Variants in SUSD6 observed in about 807,000 individuals in gnomAD.
The protein encoded by SUSD6 is sushi domain-containing protein 6.
SUSD6 carries 16 observed loss-of-function variants against 28.4 expected under a neutral mutation model. The observed-to-expected ratio is 0.56, with a 90% CI of 0.38 to 0.86. SUSD6 has a LOEUF of 0.86. Ranked by LOEUF, SUSD6 falls within the 40% of genes least tolerant of loss-of-function variation. The probability of loss-of-function intolerance (pLI) is 0.00; values close to 1 mark genes in which losing one functional copy is unlikely to be tolerated. For synonymous variants in SUSD6, 147 were observed against 159.6 expected, an observed-to-expected ratio of 0.92 and a Z score of 0.59; for missense variants, 341 against 384.2, an observed-to-expected ratio of 0.89 and a Z score of 0.94.
At chr14:69,672,151 C>T (rs917574751) in intron 2 of SUSD6, among the ~76,000 whole-genome samples, 14 of 152,156 alleles carry the variant, frequency 9.2e-5, no homozygotes, top group Admixed American at 7.2e-4. Flanking sequence ...TAATAGCCCC[C>T]CTTTGTATGC....
chr14:69,708,361 T>C (rs974901545), intron 4 of SUSD6, among the ~76,000 whole-genome samples: 1 of 152,194 alleles, frequency 6.6e-6, no homozygotes, highest in African/African-American at 2.4e-5. Flanking sequence ...GCCAGGTGCC[T>C]GTGTACCCAG....
At chr14:69,698,451 C>T (rs1441515033) in intron 2 of SUSD6, among the ~76,000 whole-genome samples, 2 of 152,220 alleles carry the variant, frequency 1.3e-5, no homozygotes, top group Non-Finnish European at 2.9e-5. Context: ...GCTTTCCACA[C>T]CTTGTTTTGA....
At chr14:69,620,824 T>G (rs1885026197) in intron 1 of SUSD6, among the ~76,000 whole-genome samples, 3 of 152,178 alleles carry the variant, frequency 2.0e-5, no homozygotes, top group Admixed American at 2.0e-4. Flanking sequence ...CATATCCTAT[T>G]TTTAATTAAA....
At chr14:69,650,727 T>C (rs1460145345) in intron 1 of SUSD6, among the ~76,000 whole-genome samples, 2 of 152,192 alleles carry the variant, frequency 1.3e-5, no homozygotes, top group Non-Finnish European at 2.9e-5. Flanking sequence ...GGCCCCTGTA[T>C]CTCTGCAGTG....
At chr14:69,617,073 A>G (rs890403168) in intron 1 of SUSD6, 1 of 152,222 alleles carries the variant, frequency 6.6e-6, no homozygotes, top group African/African-American at 2.4e-5. Context: ...TTCACTTAGC[A>G]TAATGTTTTT....
chr14:69,631,018 C>T (rs1885185517), intron 1 of SUSD6, among the ~76,000 whole-genome samples: 1 of 152,226 alleles, frequency 6.6e-6, no homozygotes, highest in African/African-American at 2.4e-5. Context: ...TATCTGTTTC[C>T]TTAGCAATTC....
chr14:69,645,648 C>T (rs544616425), intron 1 of SUSD6, among the ~76,000 whole-genome samples: 1 of 152,282 alleles, frequency 6.6e-6, no homozygotes, highest in African/African-American at 2.4e-5. Flanking sequence ...AGAAGGTATA[C>T]CTTATAAGAC....
At chr14:69,689,581 T>G (rs369474664) in intron 2 of SUSD6, among the ~76,000 whole-genome samples, 13 of 152,336 alleles carry the variant, frequency 8.5e-5, no homozygotes, top group Middle Eastern at 3.4e-3. Flanking sequence ...ACATAGTGCT[T>G]AATAGAAATT....
intron 2 of SUSD6, among the ~76,000 whole-genome samples, chr14:69,684,363 G>A (rs541459170): frequency 1.3e-5 from 2 of 152,326 alleles, no homozygotes; most frequent in Admixed American, 1.3e-4. Context: ...GTCAAAAAGT[G>A]TTCTTAGTAG....
intron 2 of SUSD6, among the ~76,000 whole-genome samples, chr14:69,673,746 T>C: frequency 6.6e-6 from 1 of 151,776 alleles, no homozygotes; most frequent in East Asian, 2.0e-4. Context: ...TCGGATGCCT[T>C]TCCTCAGTCT....
intron 1 of SUSD6, among the ~76,000 whole-genome samples, chr14:69,657,473 G>C (rs1885600047): frequency 6.6e-6 from 1 of 151,692 alleles, no homozygotes; most frequent in African/African-American, 2.4e-5. Context: ...AACAAAATCA[G>C]ATCTGGGTAG....
chr14:69,689,808 G>C (rs577784195), intron 2 of SUSD6, among the ~76,000 whole-genome samples: 102 of 152,302 alleles, frequency 6.7e-4, no homozygotes, highest in Non-Finnish European at 1.2e-3. Context: ...TGGAATTACA[G>C]GTGTGTGCCA....
intron 2 of SUSD6, among the ~76,000 whole-genome samples, chr14:69,671,240 T>C (rs1885827154): frequency 6.6e-6 from 1 of 152,200 alleles, no homozygotes; most frequent in East Asian, 1.9e-4. Flanking sequence ...AGAAGTTGAA[T>C]GAGTCTAAAC....
intron 4 of SUSD6, among the ~76,000 whole-genome samples, chr14:69,707,562 C>T (rs960390102): frequency 2.6e-5 from 4 of 151,970 alleles, no homozygotes; most frequent in African/African-American, 4.8e-5. Context: ...TCAAGACCAG[C>T]CTGGGCAACA....
chr14:69,621,759 TG>T (rs917705078), intron 1 of SUSD6, among the ~76,000 whole-genome samples: 1 of 152,260 alleles, frequency 6.6e-6, no homozygotes, highest in Non-Finnish European at 1.5e-5. Flanking sequence ...GAACTGTTTT[TG>T]GGGGGGCAGT....
chr14:69,633,430 C>G (rs1885222841), intron 1 of SUSD6, among the ~76,000 whole-genome samples: 1 of 152,258 alleles, frequency 6.6e-6, no homozygotes, highest in African/African-American at 2.4e-5. Flanking sequence ...CACCCGCTAT[C>G]TAGCATGTTT....
In SUSD6 at chr14:69,672,324, C is replaced by A. The variant is rs530558738; in HGVS notation, c.121+13611C>A. 2.0e-5 allele frequency among the ~76,000 whole-genome samples: 3 copies of A among 151,900 alleles called. No homozygotes were observed. The South Asian group carries it at 6.2e-4, about 32-fold the overall frequency. On this transcript the variant is annotated intron_variant, in intron 2 of 5. Coordinates refer to ENST00000342745, the MANE Select transcript of SUSD6 (RefSeq NM_014734.4). ...GAGGGATCATTAAAATTTTTTTTTTCATGAATAATTGGTCATGTCAGACAA... is the reference window on the plus strand; with the variant it reads ...GAGGGATCATTAAAATTTTTTTTTTAATGAATAATTGGTCATGTCAGACAA...
At chr14:69,664,533 T>C (rs74060260) in intron 2 of SUSD6, among the ~76,000 whole-genome samples, 1,557 of 152,268 alleles carry the variant, frequency 0.01, 28 homozygotes, top group African/African-American at 0.035. Flanking sequence ...TTAGAGATTA[T>C]GGTAGGAGGC....
At chr14:69,624,201 G>A (rs1300434948) in intron 1 of SUSD6, among the ~76,000 whole-genome samples, 2 of 152,186 alleles carry the variant, frequency 1.3e-5, no homozygotes, top group Admixed American at 1.3e-4. Flanking sequence ...TGTTAGAGTT[G>A]CCTACAGTAT....
Sources: gnomAD v4.1 joint callset for allele counts (sites outside exome capture counted in the v4.1 genomes callset) on GRCh38, gnomAD v4.1.1 for gene constraint, MANE v1.5 for transcripts, NCBI Gene and HGNC (gene_info 2026-07-23, HGNC 2026-07-21) for gene names.